Variants in SLC60A1 observed in about 807,000 individuals in gnomAD.
SLC60A1 encodes major facilitator superfamily domain containing 4.
chr1:205,596,543 T>TCAAAAA, the SLC60A1 span, among the ~76,000 whole-genome samples: 1 of 24,528 alleles, frequency 4.1e-5, no homozygotes, highest in Non-Finnish European at 8.2e-5. Context: ...AGACTCTGTC[T>TCAAAAA]CAAAAAAAAA....
the SLC60A1 span, chr1:205,592,317 G>A: frequency 1.3e-6 from 2 of 1,591,632 alleles, no homozygotes; most frequent in Non-Finnish European, 1.7e-6. Context: ...CAGGAGGCGC[G>A]CTCTATCTAG....
At chr1:205,578,286 C>A in the SLC60A1 span, among the ~76,000 whole-genome samples, 1 of 152,120 alleles carries the variant, frequency 6.6e-6, no homozygotes, top group Non-Finnish European at 1.5e-5. Flanking sequence ...AGGAGGCTGC[C>A]TAGTCTGTCT....
chr1:205,578,692 CTT>C, the SLC60A1 span, among the ~76,000 whole-genome samples: 1 of 92,400 alleles, frequency 1.1e-5, no homozygotes, highest in Non-Finnish European at 3.0e-5. Context: ...GGGCCCTCCT[CTT>C]TTTTTTTCAG....
chr1:205,579,700 G>A, the SLC60A1 span: 8,693 of 1,592,196 alleles, frequency 5.5e-3, 35 homozygotes, highest in Non-Finnish European at 7.0e-3. Flanking sequence ...AGGAGAAGGG[G>A]GAGGGGATGC....
At chr1:205,575,933 C>T in the SLC60A1 span, among the ~76,000 whole-genome samples, 8 of 152,192 alleles carry the variant, frequency 5.3e-5, no homozygotes, top group African/African-American at 1.9e-4. Context: ...TGCCACTCTG[C>T]TGGCTTTGCC....
At chr1:205,570,928 A>G in the SLC60A1 span, among the ~76,000 whole-genome samples, 3 of 152,208 alleles carry the variant, frequency 2.0e-5, no homozygotes, top group Non-Finnish European at 4.4e-5. Context: ...GGGTTTGTGA[A>G]GCCAGCAGAG....
At chr1:205,583,974 T>C in the SLC60A1 span, 2 of 1,613,702 alleles carry the variant, frequency 1.2e-6, no homozygotes, top group Non-Finnish European at 1.7e-6. Flanking sequence ...CCCATGGCTG[T>C]GCTGATGCTG....
At chr1:205,591,673 CCTG>C in the SLC60A1 span, among the ~76,000 whole-genome samples, 3 of 152,062 alleles carry the variant, frequency 2.0e-5, no homozygotes, top group African/African-American at 7.2e-5. Context: ...CCCCTCTTCC[CCTG>C]CTATCTGATG....
At chr1:205,593,453 C>CAAAAAAAA in the SLC60A1 span, among the ~76,000 whole-genome samples, 1 of 83,530 alleles carries the variant, frequency 1.2e-5, no homozygotes, top group African/African-American at 4.9e-5. Context: ...GACTCTGTCT[C>CAAAAAAAA]AAAAAAAAAA....
At chr1:205,593,416 A>AGCCGAAATCCCGCCACC in the SLC60A1 span, among the ~76,000 whole-genome samples, 1 of 74,724 alleles carries the variant, frequency 1.3e-5, no homozygotes, top group Admixed American at 1.4e-4. Flanking sequence ...GCTTGCAGTG[A>AGCCGAAATCCCGCCACC]GCACTCCAGC....
the SLC60A1 span, among the ~76,000 whole-genome samples, chr1:205,588,164 G>A: frequency 2.0e-5 from 3 of 152,106 alleles, no homozygotes; most frequent in African/African-American, 7.2e-5. Flanking sequence ...CACTGGAGCT[G>A]CTTTTTGAAA....
At chr1:205,585,995 G>A in the SLC60A1 span, 9 of 1,533,656 alleles carry the variant, frequency 5.9e-6, no homozygotes, top group Non-Finnish European at 7.9e-6. The surrounding 1 kb of genome is among the most constrained non-coding windows in gnomAD (Gnocchi z 4.2). Context: ...TGTCTGGCTG[G>A]GCTGCAGGTG....
chr1:205,580,497 A>T, the SLC60A1 span, among the ~76,000 whole-genome samples: 2 of 151,802 alleles, frequency 1.3e-5, no homozygotes, highest in African/African-American at 4.8e-5. This position sits in a 1 kb window ranked among gnomAD's most constrained non-coding sequence, Gnocchi z 5.0. Flanking sequence ...TCCTGCACCC[A>T]TGGCTCCCCA....
At chr1:205,578,450 A>G in the SLC60A1 span, among the ~76,000 whole-genome samples, 1 of 152,100 alleles carries the variant, frequency 6.6e-6, no homozygotes, top group South Asian at 2.1e-4. Flanking sequence ...CTCCTCCCCC[A>G]TGAGTTCTGA....
chr1:205,578,944 CAG>C, the SLC60A1 span, among the ~76,000 whole-genome samples: 1 of 152,172 alleles, frequency 6.6e-6, no homozygotes, highest in African/African-American at 2.4e-5. Flanking sequence ...GGTTATTGGG[CAG>C]AGTGTCCCAA....
chr1:205,598,430 A>G, the SLC60A1 span: 2,259 of 152,966 alleles, frequency 0.015, 29 homozygotes, highest in Non-Finnish European at 0.022. Flanking sequence ...AGGACACGGA[A>G]ACTCAGATGA....
At chr1:205,579,682 G>C in the SLC60A1 span, 92 of 1,568,630 alleles carry the variant, frequency 5.9e-5, no homozygotes, top group Non-Finnish European at 7.9e-5. Flanking sequence ...AGACCACCCA[G>C]TGAATGGAGG....
the SLC60A1 span, among the ~76,000 whole-genome samples, chr1:205,594,057 T>C: frequency 6.6e-6 from 1 of 152,116 alleles, no homozygotes; most frequent in Non-Finnish European, 1.5e-5. Context: ...GGGCAGAAAA[T>C]GCATCAGCCA....
the SLC60A1 span, chr1:205,585,983 A>AGCCCT: frequency 3.3e-6 from 5 of 1,518,716 alleles, no homozygotes; most frequent in East Asian, 1.2e-4. This position sits in a 1 kb window ranked among gnomAD's most constrained non-coding sequence, Gnocchi z 4.2. Flanking sequence ...TGTGAGGGTC[A>AGCCCT]TTGTCTGGCT....
Sources: gnomAD v4.1 joint callset for allele counts (sites outside exome capture counted in the v4.1 genomes callset) on GRCh38, gnomAD v4.1.1 for gene constraint, Gnocchi (gnomAD v3.1) non-coding constraint, MANE v1.5 for transcripts, NCBI Gene and HGNC (gene_info 2026-07-23, HGNC 2026-07-21) for gene names.